The following FSIP1 variants were observed in gnomAD, a reference collection of about 807,000 sequenced individuals.
FSIP1 encodes fibrous sheath interacting protein 1.
FSIP1 carries 65 observed loss-of-function variants against 60.9 expected under a neutral mutation model. The ratio of observed to expected loss-of-function variants is 1.07; its 90% CI spans 0.87 to 1.31. The LOEUF is 1.31. FSIP1 is among the 40% of genes most tolerant of loss of function. The pLI is 0.00. For missense variants in FSIP1, 675 were observed against 665.5 expected, an observed-to-expected ratio of 1.01 and a Z score of -0.16; for synonymous variants, 209 against 221.2, an observed-to-expected ratio of 0.94 and a Z score of 0.49.
At chr15:39,741,670 G>T (rs1047644852) in intron 6 of FSIP1, 135 bp downstream of exon 6, 3 of 527,612 alleles carry the variant, frequency 5.7e-6, no homozygotes, top group Middle Eastern at 4.8e-4. Context: ...AACCAATCTT[G>T]TGTCATCTTG....
At chr15:39,744,889 G>A (rs1896942562) in intron 5 of FSIP1, among the ~76,000 whole-genome samples, 3 of 151,920 alleles carry the variant, frequency 2.0e-5, no homozygotes, top group South Asian at 2.1e-4. Context: ...GACTGGGGTC[G>A]TGATGAGGGG....
At chr15:39,770,942 G>A (rs1421669440) in intron 2 of FSIP1, among the ~76,000 whole-genome samples, 1 of 152,184 alleles carries the variant, frequency 6.6e-6, no homozygotes, top group African/African-American at 2.4e-5. Context: ...GGCAGTCAAA[G>A]GTCTAATACG....
chr15:39,704,543 T>C (rs16969637), intron 10 of FSIP1, among the ~76,000 whole-genome samples: 15,629 of 152,262 alleles, frequency 0.1, 918 homozygotes, highest in Middle Eastern at 0.23. Flanking sequence ...GTTGGATTTA[T>C]TGAAATGTTC....
At chr15:39,666,076 T>C (rs1490055644) in intron 10 of FSIP1, among the ~76,000 whole-genome samples, 1 of 152,202 alleles carries the variant, frequency 6.6e-6, no homozygotes, top group Non-Finnish European at 1.5e-5. Flanking sequence ...CTCTGGTTAA[T>C]AATAAAGGGT....
At chr15:39,621,056 TAAA>T (rs369925726) in intron 10 of FSIP1, among the ~76,000 whole-genome samples, 11 of 134,816 alleles carry the variant, frequency 8.2e-5, no homozygotes, top group African/African-American at 2.4e-4. Context: ...GGGCATTTCT[TAAA>T]AAAAAAAAAA....
chr15:39,692,133 C>T (rs528328938), intron 10 of FSIP1, among the ~76,000 whole-genome samples: 1 of 152,150 alleles, frequency 6.6e-6, no homozygotes, highest in African/African-American at 2.4e-5. Flanking sequence ...GAACTCCAGT[C>T]AATAAGCAGT....
chr15:39,722,302 T>C (rs1896013877), intron 9 of FSIP1, among the ~76,000 whole-genome samples: 1 of 152,072 alleles, frequency 6.6e-6, no homozygotes. Context: ...CCACTGAGTC[T>C]ACATTATGGT....
intron 5 of FSIP1, among the ~76,000 whole-genome samples, chr15:39,747,660 A>G (rs1897043402): frequency 6.6e-6 from 1 of 152,168 alleles, no homozygotes; most frequent in Admixed American, 6.5e-5. Flanking sequence ...CCTAGTTACT[A>G]TATTTTTCCT....
chr15:39,702,597 C>T (rs1048683907), intron 10 of FSIP1, among the ~76,000 whole-genome samples: 1 of 149,028 alleles, frequency 6.7e-6, no homozygotes, highest in Non-Finnish European at 1.5e-5. Flanking sequence ...GGGTCAACAT[C>T]CAAATAACAG....
In FSIP1 at chr15:39,713,541, G is replaced by A. The variant is rs1201903889; in HGVS notation, c.1091C>T (p.Pro364Leu). Reference protein sequence around the residue: ...RDGERNMEVTPGEKILRNTKE... With the variant: ...RDGERNMEVTLGEKILRNTKE... ...GGTGTTCCTAAGTATCTTTTCTCCT[G>A]GAGTTACTTCCATATTTCTTTCACC... is the stretch of plus-strand genomic sequence containing the variant. The change falls in exon 10 of 12, where the codon CCA becomes CTA. Residue 364 changes from proline to leucine, a missense_variant. Transcript: ENST00000350221. 1 of 1,606,126 alleles carries A rather than the reference G, an allele frequency of 6.2e-7. No homozygotes were observed. Among genetic ancestry groups the A allele is most frequent in the East Asian group, 2.3e-5 (1 of 44,416 alleles).
chr15:39,621,779 G>GT (rs1318032398), intron 10 of FSIP1, among the ~76,000 whole-genome samples: 7 of 152,094 alleles, frequency 4.6e-5, no homozygotes, highest in African/African-American at 1.7e-4. Context: ...CAAAATATAA[G>GT]TAAGAGCAAA....
intron 3 of FSIP1, among the ~76,000 whole-genome samples, chr15:39,769,188 A>C (rs1372900763): frequency 6.6e-6 from 1 of 151,526 alleles, no homozygotes; most frequent in East Asian, 1.9e-4. Context: ...CTGAGGCAGG[A>C]GAATGGCGTG....
chr15:39,672,360 A>G (rs776357863), intron 10 of FSIP1, among the ~76,000 whole-genome samples: 57 of 152,180 alleles, frequency 3.7e-4, no homozygotes, highest in Non-Finnish European at 7.4e-4. Context: ...AAACACCTAC[A>G]TCTGTCAGCT....
At chr15:39,742,905 A>G (rs1481385093) in intron 5 of FSIP1, among the ~76,000 whole-genome samples, 1 of 152,200 alleles carries the variant, frequency 6.6e-6, no homozygotes, top group Non-Finnish European at 1.5e-5. Flanking sequence ...TTGTGGTGTA[A>G]GCCTGGGGAG....
chr15:39,608,591 A>G (rs558106582), intron 11 of FSIP1, among the ~76,000 whole-genome samples: 1 of 152,352 alleles, frequency 6.6e-6, no homozygotes, highest in African/African-American at 2.4e-5. Context: ...AGAGTAGAAC[A>G]AAGTTTTCAC....
At position 39,648,322 on chromosome 15, in the gene FSIP1, C is replaced by A. The variant is rs529620021; in HGVS notation, c.1189-30077G>T. The stretch of plus-strand genomic sequence containing the variant: ...TCTCTACCTTAATATAAGATATTTG[C>A]CAAATGTCCATAGAATTGAAGGTTT... On this transcript the variant is annotated intron_variant, in intron 10 of 11. Transcript: ENST00000350221. Among the ~76,000 whole-genome samples, 7 of 151,776 alleles carry A rather than the reference C, an allele frequency of 4.6e-5. No homozygotes were observed. In the East Asian group the frequency reaches 1.4e-3, roughly 29 times the overall value.
At chr15:39,724,325 C>T (rs1896103812) in intron 9 of FSIP1, among the ~76,000 whole-genome samples, 2 of 151,434 alleles carry the variant, frequency 1.3e-5, no homozygotes, top group Admixed American at 1.3e-4. Flanking sequence ...GATCTTGGCT[C>T]ACTGCAAGCT....
At chr15:39,629,827 T>C (rs1891806476) in intron 10 of FSIP1, among the ~76,000 whole-genome samples, 1 of 152,218 alleles carries the variant, frequency 6.6e-6, no homozygotes, top group Non-Finnish European at 1.5e-5. Context: ...TTGAAAGATA[T>C]CACTTTGAGC....
At chr15:39,719,732 A>G (rs1334065745) in intron 9 of FSIP1, among the ~76,000 whole-genome samples, 2 of 152,224 alleles carry the variant, frequency 1.3e-5, no homozygotes, top group Non-Finnish European at 2.9e-5. Context: ...AAAAGCAGGG[A>G]AAAAGATACT....
Sources: allele counts gnomAD v4.1 joint callset (sites outside exome capture counted in the v4.1 genomes callset), GRCh38; gene constraint gnomAD v4.1.1; transcripts MANE v1.5; gene names NCBI Gene and HGNC (gene_info 2026-07-23, HGNC 2026-07-21).